CSMD1: variants seen among roughly 807,000 people sequenced by gnomAD.
CSMD1 encodes the protein CUB and sushi domain-containing protein 1.
A neutral mutation model predicts 417.5 loss-of-function variants in CSMD1; 213 were observed. The ratio of observed to expected loss-of-function variants is 0.51; its 90% confidence interval spans 0.46 to 0.57. CSMD1 has a LOEUF of 0.57. Ranked by LOEUF, CSMD1 falls within the 20% of genes least tolerant of loss-of-function variation. The pLI is 0.00. For missense variants in CSMD1, 6,923 were observed against 4,529.7 expected, an observed-to-expected ratio of 1.53 and a Z score of -15.17; for synonymous variants, 2,862 against 1,736.8, an observed-to-expected ratio of 1.65 and a Z score of -16.11.
intron 3 of CSMD1, among the ~76,000 whole-genome samples, chr8:4,332,855 A>G (rs1253149856): frequency 1.3e-5 from 2 of 151,262 alleles, no homozygotes; most frequent in Non-Finnish European, 2.9e-5. Context: ...TTTTTTCCCA[A>G]TCATCTACAC....
rs1554532555 is a variant in CSMD1, at chr8:3,382,507, T to TTATATAAA, written c.2782+4986_2782+4987insTTTATATA. Among the ~76,000 whole-genome samples the TTATATAAA allele has an allele frequency of 4.5e-4, 59 of 131,598 alleles. No individual in the cohort carries two copies. In the East Asian group the frequency reaches 0.01, roughly 23 times the overall value. 86.3% of individuals were successfully genotyped at this position (131,598 alleles called of 152,430 possible). ...TATTTAATTAGTTATGTATATAAAT[T>TTATATAAA]TATATATATATAAATTTATATAAAT... On this transcript the variant is annotated intron_variant, in intron 18 of 69. Transcript: ENST00000635120.
At chr8:3,178,138 T>C (rs990174899) in intron 37 of CSMD1, among the ~76,000 whole-genome samples, 1 of 152,192 alleles carries the variant, frequency 6.6e-6, no homozygotes, top group Non-Finnish European at 1.5e-5. Flanking sequence ...GTAGATCATA[T>C]ACATTAAACC....
At chr8:4,415,191 A>T (rs925588509) in intron 3 of CSMD1, among the ~76,000 whole-genome samples, 16 of 152,096 alleles carry the variant, frequency 1.1e-4, no homozygotes, top group Non-Finnish European at 2.4e-4. Flanking sequence ...GCTCCAGAGA[A>T]CCCAGGCTCA....
rs185370277 is a variant in CSMD1 at position 3,452,945 on chromosome 8, T to A, written c.1561+15767A>T. 2.2e-3 allele frequency among the ~76,000 whole-genome samples: 333 copies of A among 152,246 alleles called. 2 individuals are homozygous for A. Among genetic ancestry groups the A allele is most frequent in the African/African-American group, 7.7e-3 (322 of 41,572 alleles). On this transcript the variant is annotated intron_variant, in intron 12 of 69. Transcript: ENST00000635120. ...GAATTCGGCTGTGAATCCATCCGTT[T>A]CTGGACTTTTTTTGGTTGGTAAGCT...
rs533626806 is a variant in CSMD1, at chr8:3,793,406, A to G, written c.819-39364T>C. On this transcript the variant is annotated intron_variant, in intron 5 of 69. Transcript: ENST00000635120. ...AACCAACCCATATTTTTCCTTGCCT[A>G]CTTTCAAGAATGTTGCCACTGTCTC... 2.0e-4 allele frequency among the ~76,000 whole-genome samples: 31 copies of G among 152,114 alleles called. No homozygotes were observed. The South Asian group carries it at 4.0e-3, about 19-fold the overall frequency.
At chr8:3,520,019 C>CATATATATATAT (rs1491479503) in intron 10 of CSMD1, among the ~76,000 whole-genome samples, 125 of 114,006 alleles carry the variant, frequency 1.1e-3, no homozygotes, top group African/African-American at 4.6e-3. Flanking sequence ...TGTGTATATA[C>CATATATATATAT]CTATATATAT....
chr8:4,635,132 A>T (rs1802747943), intron 2 of CSMD1, among the ~76,000 whole-genome samples: 1 of 152,284 alleles, frequency 6.6e-6, no homozygotes, highest in East Asian at 1.9e-4. Context: ...TGAGTGATTC[A>T]TATGAACCTA....
intron 5 of CSMD1, among the ~76,000 whole-genome samples, chr8:3,839,319 A>C (rs1276714934): frequency 8.2e-6 from 1 of 122,548 alleles, no homozygotes; most frequent in African/African-American, 3.1e-5. Flanking sequence ...CTATTAATAT[A>C]TATTAATTAT....
intron 18 of CSMD1, among the ~76,000 whole-genome samples, chr8:3,369,908 G>A (rs1030233551): frequency 6.6e-6 from 1 of 152,186 alleles, no homozygotes; most frequent in African/African-American, 2.4e-5. Context: ...CTTCTCACTA[G>A]CTCTGTGATC....
At chr8:4,432,120 A>G (rs1260658948) in intron 2 of CSMD1, among the ~76,000 whole-genome samples, 2 of 152,214 alleles carry the variant, frequency 1.3e-5, no homozygotes, top group Non-Finnish European at 2.9e-5. Flanking sequence ...AGGTGATTAT[A>G]TAAAATAAAT....
chr8:3,578,014 G>T (rs555034169), intron 9 of CSMD1, among the ~76,000 whole-genome samples: 1 of 152,114 alleles, frequency 6.6e-6, no homozygotes, highest in Non-Finnish European at 1.5e-5. Context: ...TTGTCCCCTA[G>T]CTGTCCTGCA....
intron 4 of CSMD1, among the ~76,000 whole-genome samples, chr8:4,008,598 T>C (rs1338082448): frequency 4.2e-5 from 6 of 141,192 alleles, no homozygotes; most frequent in Non-Finnish European, 7.7e-5. Context: ...CTTTCTTTTT[T>C]TCTTTTTTTT....
At chr8:4,187,835 C>T (rs964396015) in intron 3 of CSMD1, among the ~76,000 whole-genome samples, 1 of 152,056 alleles carries the variant, frequency 6.6e-6, no homozygotes, top group East Asian at 1.9e-4. Flanking sequence ...AGATGACTTG[C>T]TGAGACTATT....
chr8:4,017,474 TTTTG>T (rs1563322859), intron 4 of CSMD1, among the ~76,000 whole-genome samples: 1 of 152,056 alleles, frequency 6.6e-6, no homozygotes, highest in African/African-American at 2.4e-5. Flanking sequence ...TCCCAGCTAA[TTTTG>T]TTTTTTTAGT....
rs376665369 is a variant in CSMD1, at chr8:3,387,612, G to A, written c.2664C>T (p.Asp888=). ...IPVNGHRHGG[D]FGIRSTVTFS... ...AAGTCACTGTGGACCTGATGCCAAAGTCTCCACCGTGGCGATGGCCGTTCA... is the reference window on the plus strand; with the variant it reads ...AAGTCACTGTGGACCTGATGCCAAAATCTCCACCGTGGCGATGGCCGTTCA... Residue 888 remains aspartate (D), a synonymous_variant, in exon 18 of 70, where the codon GAC becomes GAT. Coordinates refer to ENST00000635120, the MANE Select transcript of CSMD1 (RefSeq NM_033225.6). The A allele has an allele frequency of 6.2e-6, 10 of 1,601,626 alleles. No homozygotes were observed. Among genetic ancestry groups the A allele is most frequent in the Non-Finnish European group, 8.5e-6 (10 of 1,173,994 alleles).
chr8:4,345,718 G>T (rs539635692), intron 3 of CSMD1, among the ~76,000 whole-genome samples: 37 of 152,178 alleles, frequency 2.4e-4, no homozygotes, highest in African/African-American at 8.7e-4. Context: ...TCAACGTCAT[G>T]AATTATCAAG....
intron 17 of CSMD1, among the ~76,000 whole-genome samples, chr8:3,388,830 C>G (rs372976856): frequency 5.4e-4 from 82 of 152,090 alleles, no homozygotes; most frequent in African/African-American, 2.0e-3. Flanking sequence ...TATCATTTGG[C>G]TAGAAATCTA....
At chr8:4,405,975 G>A (rs945335151) in intron 3 of CSMD1, among the ~76,000 whole-genome samples, 6 of 152,174 alleles carry the variant, frequency 3.9e-5, no homozygotes, top group South Asian at 2.1e-4. Context: ...CGCCTGTCCT[G>A]TAACAGACAT....
intron 23 of CSMD1, among the ~76,000 whole-genome samples, chr8:3,323,420 A>G (rs1003641344): frequency 6.6e-6 from 1 of 151,980 alleles, no homozygotes; most frequent in Non-Finnish European, 1.5e-5. Context: ...ATAGTCATCA[A>G]AGCCAGAAAC....
Sources: gnomAD v4.1 joint callset for allele counts (sites outside exome capture counted in the v4.1 genomes callset) on GRCh38, gnomAD v4.1.1 for gene constraint, MANE v1.5 for transcripts, NCBI Gene and HGNC (gene_info 2026-07-23, HGNC 2026-07-21) for gene names.